ANKRD34C: variants seen among roughly 807,000 people sequenced by gnomAD.
The protein encoded by ANKRD34C is ankyrin repeat domain-containing protein 34C.
For synonymous variants in ANKRD34C, 260 were observed against 253.6 expected, an observed-to-expected ratio of 1.03 and a Z score of -0.24; for missense variants, 563 against 653.0, an observed-to-expected ratio of 0.86 and a Z score of 1.50.
At position 79,293,950 on chromosome 15, in the gene ANKRD34C, C is replaced by T. The variant is rs2058665914; in HGVS notation, c.666C>T (p.Thr222=). ...LQAGHPSSCN[T]SKAVNEPGSP... is the part of the protein sequence containing the mutation. ...CAGGGCATCCAAGCAGTTGTAACAC[C>T]TCCAAGGCTGTTAATGAGCCTGGGT... Residue 222 remains threonine (T), a synonymous_variant, in exon 2 of 2, where the codon ACC becomes ACT. Coordinates refer to ENST00000421388, the MANE Select transcript of ANKRD34C (RefSeq NM_001146341.2). 1.9e-6 allele frequency: 3 copies of T among 1,551,572 alleles called. No homozygotes were observed. In the African/African-American group the frequency reaches 4.1e-5, roughly 21 times the overall value.
At chr15:79,293,139 G>C in intron 1 of ANKRD34C, 102 bp from the exon 2 acceptor site, 3 of 820,474 alleles carry the variant, frequency 3.7e-6, no homozygotes, top group Non-Finnish European at 5.5e-6. Flanking sequence ...ATGTAAGTTG[G>C]GATCAGGTTG....
intron 1 of ANKRD34C, among the ~76,000 whole-genome samples, chr15:79,286,780 C>G (rs1375125773): frequency 6.6e-6 from 1 of 152,184 alleles, no homozygotes; most frequent in African/African-American, 2.4e-5. Context: ...AAATTCTTTA[C>G]TGGTTCCCTA....
Position 79,284,425 on chromosome 15 carries a change from C to T in ANKRD34C, c.-45+1197C>T, listed in dbSNP as rs772732281. ...TTCAGATTTTAACTATCTGTAAATA[C>T]TTGATAATGCTTTCCTTGCAAAAGT... On this transcript the variant is annotated intron_variant, in intron 1 of 1. Transcript: ENST00000421388. 1.4e-4 allele frequency among the ~76,000 whole-genome samples: 22 copies of T among 152,150 alleles called. 1 individual carries two copies. The highest frequency in any genetic ancestry group is 2.6e-4 in the Non-Finnish European group (18 of 68,030).
chr15:79,284,322 A>G (rs1163999316), intron 1 of ANKRD34C, among the ~76,000 whole-genome samples: 1 of 152,248 alleles, frequency 6.6e-6, no homozygotes, highest in Non-Finnish European at 1.5e-5. Flanking sequence ...ACTTGGGATC[A>G]GAGGAACAGA....
intron 1 of ANKRD34C, among the ~76,000 whole-genome samples, chr15:79,288,660 G>A (rs1457677223): frequency 6.6e-6 from 1 of 152,188 alleles, no homozygotes; most frequent in African/African-American, 2.4e-5. Context: ...ACTCAGGCAA[G>A]AAAGCAAGGT....
intron 1 of ANKRD34C, among the ~76,000 whole-genome samples, chr15:79,288,271 T>G (rs2058650360): frequency 6.6e-6 from 1 of 152,164 alleles, no homozygotes. Flanking sequence ...AAATGAAAAG[T>G]GACGCAAGGG....
chr15:79,294,559 T>C lies in ANKRD34C; in HGVS notation c.1275T>C (p.Thr425=). 1.9e-6 allele frequency: 3 copies of C among 1,551,710 alleles called. No homozygotes were observed. Among genetic ancestry groups the C allele is most frequent in the Non-Finnish European group, 2.6e-6 (3 of 1,146,978 alleles). ...ATGGCTCTCGGGAGTCCCTGGACAC[T>C]GTACCTAGCACATCCCCCAGCTCAG... is the stretch of plus-strand genomic sequence containing the variant. ...LFHGSRESLD[T]VPSTSPSSAR... The change falls in exon 2 of 2, where the codon ACT becomes ACC. Residue 425 remains threonine, a synonymous_variant. Transcript: ENST00000421388.
chr15:79,293,941 T>C lies in ANKRD34C; in HGVS notation c.657T>C (p.Ser219=). The C allele has an allele frequency of 5.2e-6, 8 of 1,551,620 alleles. No homozygotes were observed. The highest frequency in any genetic ancestry group is 7.0e-6 in the Non-Finnish European group (8 of 1,146,972). Residue 219 remains serine (S), a synonymous_variant, in exon 2 of 2, where the codon AGT becomes AGC. Coordinates refer to ENST00000421388, the MANE Select transcript of ANKRD34C (RefSeq NM_001146341.2). ...GCCTCCAAGCAGGGCATCCAAGCAGTTGTAACACCTCCAAGGCTGTTAATG... is the reference window on the plus strand; with the variant it reads ...GCCTCCAAGCAGGGCATCCAAGCAGCTGTAACACCTCCAAGGCTGTTAATG... ...FFSLQAGHPS[S]CNTSKAVNEP...
rs985024779 is a variant in ANKRD34C at position 79,295,877 on chromosome 15, A to G, written c.*985A>G. On this transcript the variant is annotated 3_prime_UTR_variant, in exon 2 of 2. Coordinates refer to ENST00000421388, the MANE Select transcript of ANKRD34C (RefSeq NM_001146341.2). ...GCAGCCTAAAAATTTTAGGGGATGC[A>G]AACTGTCATTTCCCCTTCAGTTATG... 2.4e-5 allele frequency: 4 copies of G among 167,014 alleles called. No individual in the cohort carries two copies. Among genetic ancestry groups the G allele is most frequent in the African/African-American group, 7.2e-5 (3 of 41,462 alleles). The allele number at this position is 167,014 out of a possible 1,614,324, so 10.3% of individuals were successfully genotyped here. A position where few individuals can be genotyped will look rare whatever the true frequency, so the allele number is the denominator to read the frequency against.
chr15:79,289,161 G>T (rs1311639339), intron 1 of ANKRD34C, among the ~76,000 whole-genome samples: 1 of 152,158 alleles, frequency 6.6e-6, no homozygotes, highest in Non-Finnish European at 1.5e-5. Flanking sequence ...GATTATTGCA[G>T]CATGCTAACA....
At chr15:79,291,339 C>T (rs1241576884) in intron 1 of ANKRD34C, among the ~76,000 whole-genome samples, 3 of 151,948 alleles carry the variant, frequency 2.0e-5, no homozygotes, top group Non-Finnish European at 4.4e-5. Context: ...TAGGCTGAGG[C>T]CAGGAGAAGA....
chr15:79,293,192 G>T, intron 1 of ANKRD34C, 49 bp from the exon 2 acceptor site: 1 of 1,303,010 alleles, frequency 7.7e-7, no homozygotes, highest in Non-Finnish European at 1.0e-6. Flanking sequence ...ATGCTGCACA[G>T]ATCTGTTATA....
chr15:79,283,585 GT>G (rs1247870194), intron 1 of ANKRD34C: 1 of 152,120 alleles, frequency 6.6e-6, no homozygotes, highest in Non-Finnish European at 1.5e-5. Context: ...TCCTGAAAAT[GT>G]GCACGAAATT....
rs915272633 is a variant in ANKRD34C at position 79,294,937 on chromosome 15, G to T, written c.*45G>T. On this transcript the variant is annotated 3_prime_UTR_variant, in exon 2 of 2. Transcript: ENST00000421388. ...AATAGTCAATATAGTTTATGGAAGG[G>T]ACTATGGATGAGACTGCTTCCTGAT... 23 of 1,466,438 alleles carry T rather than the reference G, an allele frequency of 1.6e-5. No homozygotes were observed. Among genetic ancestry groups the T allele is most frequent in the Middle Eastern group, 2.3e-4 (1 of 4,366 alleles). The allele number at this position is 1,466,438 out of a possible 1,614,324, so 90.8% of individuals were successfully genotyped here. A position where few individuals can be genotyped will look rare whatever the true frequency, so the allele number is the denominator to read the frequency against.
Position 79,294,749 on chromosome 15 carries a change from A to G in ANKRD34C, c.1465A>G (p.Ser489Gly), listed in dbSNP as rs557571456. 4.5e-6 allele frequency: 7 copies of G among 1,551,722 alleles called. No homozygotes were observed. The African/African-American group carries it at 6.8e-5, about 15-fold the overall frequency. ...SSSKPSCSLA[S>G]GLKSMVPVAP... ...CAGCAAACCTTCTTGCTCTCTTGCT[A>G]GTGGCTTAAAATCTATGGTTCCTGT... Residue 489 changes from serine (S) to glycine (G), a missense_variant, in exon 2 of 2, where the codon AGT becomes GGT. Ser to Gly is a moderately conservative substitution (Grantham distance 56, BLOSUM62 0). Transcript: ENST00000421388.
At position 79,294,537 on chromosome 15, in the gene ANKRD34C, G is replaced by C; in HGVS notation, c.1253G>C (p.Gly418Ala). 6.4e-7 allele frequency: 1 copy of C among 1,551,662 alleles called. No individual in the cohort carries two copies. Among genetic ancestry groups the C allele is most frequent in the Non-Finnish European group, 8.7e-7 (1 of 1,146,992 alleles). The change falls in exon 2 of 2, where the codon GGC becomes GCC. Residue 418 changes from glycine (G) to alanine (A), a missense_variant. Coordinates refer to ENST00000421388, the MANE Select transcript of ANKRD34C (RefSeq NM_001146341.2). The part of the protein sequence containing the change: ...LNSSHLSLFH[G>A]SRESLDTVPS... Reference sequence around the variant, plus strand: ...AGCTCTCACTTGTCTCTTTTCCATGGCTCTCGGGAGTCCCTGGACACTGTA... The same window carrying C: ...AGCTCTCACTTGTCTCTTTTCCATGCCTCTCGGGAGTCCCTGGACACTGTA...
Position 79,293,264 on chromosome 15 carries a change from G to A in ANKRD34C, c.-21G>A, listed in dbSNP as rs2058664063. On this transcript the variant is annotated 5_prime_UTR_variant, in exon 2 of 2. Coordinates refer to ENST00000421388, the MANE Select transcript of ANKRD34C (RefSeq NM_001146341.2). Reference sequence around the variant, plus strand: ...AGGTTTGATTGCTACTGTGGCTCAGGTCCTCTAAACTGTAGCCAATATGAT... The same window carrying A: ...AGGTTTGATTGCTACTGTGGCTCAGATCCTCTAAACTGTAGCCAATATGAT... 1.4e-6 allele frequency: 2 copies of A among 1,480,442 alleles called. No homozygotes were observed. The highest frequency in any genetic ancestry group is 1.8e-6 in the Non-Finnish European group (2 of 1,114,860). 91.7% of individuals were successfully genotyped at this position (1,480,442 alleles called of 1,614,324 possible). A position where few individuals can be genotyped will look rare whatever the true frequency, so the allele number is the denominator to read the frequency against.
chr15:79,286,186 A>G (rs1363998772), intron 1 of ANKRD34C, among the ~76,000 whole-genome samples: 3 of 145,498 alleles, frequency 2.1e-5, no homozygotes, highest in African/African-American at 5.0e-5. Context: ...AATGAGTCCA[A>G]CAGAAAACAG....
intron 1 of ANKRD34C, among the ~76,000 whole-genome samples, chr15:79,291,591 CACACACACACAGAGAG>C (rs1191076588): frequency 8.0e-4 from 95 of 119,088 alleles, no homozygotes; most frequent in African/African-American, 2.5e-3. Context: ...CACACACACA[CACACACACACAGAGAG>C]AGAGAGAGAG....
Sources: gnomAD v4.1 joint callset for allele counts (sites outside exome capture counted in the v4.1 genomes callset) on GRCh38, gnomAD v4.1.1 for gene constraint, MANE v1.5 for transcripts, NCBI Gene and HGNC (gene_info 2026-07-23, HGNC 2026-07-21) for gene names.